RMND5B: variants seen among roughly 807,000 people sequenced by gnomAD.
RMND5B encodes the protein required for meiotic nuclear division 5 homolog B.
A neutral mutation model predicts 50.4 loss-of-function variants in RMND5B; 42 were observed. That is an observed-to-expected ratio of 0.83 (90% CI 0.65 to 1.08). The LOEUF is 1.08. Ranked by LOEUF, RMND5B falls within the 50% of genes least tolerant of loss-of-function variation. The probability of loss-of-function intolerance (pLI) is 0.00; values close to 1 mark genes in which losing one functional copy is unlikely to be tolerated. For missense variants in RMND5B, 463 were observed against 508.5 expected (o/e 0.91, Z 0.86); for synonymous variants, 220 against 210.0 (o/e 1.05, Z -0.41).
rs201677613 is a variant in RMND5B at position 178,142,737 on chromosome 5, G to A, written c.285+9G>A. 69 of 1,614,228 alleles carry A rather than the reference G, an allele frequency of 4.3e-5. No individual in the cohort carries two copies. The South Asian group carries it at 4.8e-4, about 11-fold the overall frequency. On this transcript the variant is annotated intron_variant, in intron 4 of 10. Transcript: ENST00000313386. ...GCAAAGCCATTGACAGGGTGAGCAC[G>A]TGGCCGGCTCCAGGCGTGGGGTGGG...
intron 3 of RMND5B, among the ~76,000 whole-genome samples, chr5:178,140,026 T>C (rs1048284238): frequency 2.6e-5 from 4 of 152,250 alleles, no homozygotes; most frequent in African/African-American, 7.2e-5. Flanking sequence ...TTAAGGCCAA[T>C]TATTTTGCAG....
chr5:178,138,381 G>A lies in RMND5B; in HGVS notation c.139+123G>A. ...AGGATGTTGGTACCTGCATCTGTAG[G>A]CCTCCTTGAAACCGGGTAATGACAG... On this transcript the variant is annotated intron_variant, in intron 3 of 10. Transcript: ENST00000313386. The surrounding 1 kb of genome is among the most constrained non-coding windows in gnomAD (Gnocchi z 5.1). 2 of 1,434,890 alleles carry A rather than the reference G, an allele frequency of 1.4e-6. No homozygotes were observed. The highest frequency in any genetic ancestry group is 1.8e-6 in the Non-Finnish European group (2 of 1,093,736). The allele number at this position is 1,434,890 out of a possible 1,614,324, so 88.9% of individuals were successfully genotyped here.
chr5:178,146,442 TAAACTG>T lies in RMND5B; in HGVS notation c.860+165_860+170del, dbSNP rs2113444868. 3 of 657,342 alleles carry T rather than the reference TAAACTG, an allele frequency of 4.6e-6. No homozygotes were observed. In the South Asian group the frequency reaches 6.1e-5, roughly 13 times the overall value. The allele number at this position is 657,342 out of a possible 1,614,324, so 40.7% of individuals were successfully genotyped here. On this transcript the variant is annotated intron_variant, in intron 8 of 10. Coordinates refer to ENST00000313386, the MANE Select transcript of RMND5B (RefSeq NM_022762.5). ...GAGAGGAATTACCTGTTTTTACAGT[TAAACTG>T]AGACTAGGAAGAGTTATGGCCCGAG...
At chr5:178,141,938 A>T (rs1430034101) in intron 3 of RMND5B, 1 of 152,796 alleles carries the variant, frequency 6.5e-6, no homozygotes, top group African/African-American at 2.4e-5. Flanking sequence ...ACAAGGAATC[A>T]TACCACATGT....
In RMND5B at chr5:178,137,792, C is replaced by G. The variant is rs1758695681; in HGVS notation, c.-12-316C>G. Among the ~76,000 whole-genome samples, 1 of 152,074 alleles carries G rather than the reference C, an allele frequency of 6.6e-6. No individual in the cohort carries two copies. The highest frequency in any genetic ancestry group is 1.5e-5 in the Non-Finnish European group (1 of 68,012). Reference sequence around the variant, plus strand: ...GGCTCTGTGAGGCCTGCTCTCTATTCTGATTTAAAAGGGAGATGAACAAAA... The same window carrying G: ...GGCTCTGTGAGGCCTGCTCTCTATTGTGATTTAAAAGGGAGATGAACAAAA... On this transcript the variant is annotated intron_variant, in intron 2 of 10. Transcript: ENST00000313386. The surrounding 1 kb of genome is among the most constrained non-coding windows in gnomAD (Gnocchi z 4.4).
chr5:178,143,170 T>G (rs1443951154), intron 5 of RMND5B, among the ~76,000 whole-genome samples, 178 bp downstream of exon 5: 1 of 152,220 alleles, frequency 6.6e-6, no homozygotes, highest in Non-Finnish European at 1.5e-5. Flanking sequence ...AAGTTACTCA[T>G]TTTTAGTTAG....
At chr5:178,144,226 T>C (rs963163289) in intron 7 of RMND5B, 118 bp downstream of exon 7, 3 of 1,096,332 alleles carry the variant, frequency 2.7e-6, no homozygotes, top group Non-Finnish European at 2.6e-6. Flanking sequence ...CACAGATGCC[T>C]CTCCCCAACT....
At chr5:178,142,471 C>G in intron 3 of RMND5B, 112 bp from the exon 4 acceptor site, 1 of 1,253,330 alleles carries the variant, frequency 8.0e-7, no homozygotes, top group East Asian at 2.3e-5. Context: ...CCCTGGCATT[C>G]AGGGCTGCCT....
Position 178,143,937 on chromosome 5 carries a change from C to A in RMND5B, c.528-5C>A. The A allele has an allele frequency of 6.2e-7, 1 of 1,614,040 alleles. No individual in the cohort carries two copies. The highest frequency in any genetic ancestry group is 8.5e-7 in the Non-Finnish European group (1 of 1,179,900). Reference sequence around the variant, plus strand: ...TCTACACTAAACTGGCCCCTTTCTTCCCAGATGGGCCGTCTCCCACAGGCA... The same window carrying A: ...TCTACACTAAACTGGCCCCTTTCTTACCAGATGGGCCGTCTCCCACAGGCA... On this transcript the variant is annotated splice_polypyrimidine_tract_variant and splice_region_variant and intron_variant, in intron 6 of 10. Coordinates refer to ENST00000313386, the MANE Select transcript of RMND5B (RefSeq NM_022762.5).
Position 178,150,384 on chromosome 5 carries a change from A to ATTT in RMND5B, c.*2362_*2364dup. The ATTT allele has an allele frequency of 1.3e-5, 3 of 225,434 alleles. No homozygotes were observed. Among genetic ancestry groups the ATTT allele is most frequent in the Non-Finnish European group, 1.8e-5 (2 of 111,962 alleles). The allele number at this position is 225,434 out of a possible 1,614,324, so 14.0% of individuals were successfully genotyped here. A position where few individuals can be genotyped will look rare whatever the true frequency, so the allele number is the denominator to read the frequency against. On this transcript the variant is annotated 3_prime_UTR_variant, in exon 11 of 11. Transcript: ENST00000313386. ...TACCCAAGATCCACCCCCAGCCTCT[A>ATTT]TTTTTTTTTTTTGAGACAGGGCCTC...
At chr5:178,141,635 A>T (rs1758949144) in intron 3 of RMND5B, 1 of 152,160 alleles carries the variant, frequency 6.6e-6, no homozygotes, top group Non-Finnish European at 1.5e-5. Flanking sequence ...TAATATGGTA[A>T]CCCTGTCTAC....
At position 178,149,489 on chromosome 5, in the gene RMND5B, A is replaced by G. The variant is rs2113461406; in HGVS notation, c.*1457A>G. The G allele has an allele frequency of 1.8e-6, 1 of 545,818 alleles. No homozygotes were observed. Among genetic ancestry groups the G allele is most frequent in the Non-Finnish European group, 3.3e-6 (1 of 300,182 alleles). The allele number at this position is 545,818 out of a possible 1,614,324, so 33.8% of individuals were successfully genotyped here. On this transcript the variant is annotated 3_prime_UTR_variant, in exon 11 of 11. Transcript: ENST00000313386. ...TTTAGTCTTAGCATTTACTTTCCCC[A>G]CCCCACATTCTTGGAACAGCCTTTA...
In RMND5B at chr5:178,149,625, C is replaced by G. The variant is rs960404683; in HGVS notation, c.*1593C>G. On this transcript the variant is annotated 3_prime_UTR_variant, in exon 11 of 11. Transcript: ENST00000313386. ...CCTTGGGGAACTGGGAAGATGCCGT[C>G]AGTGTGGGTGGGCAGGAGGACAGCC... The G allele has an allele frequency of 3.4e-5, 54 of 1,568,942 alleles. No individual in the cohort carries two copies. The highest frequency in any genetic ancestry group is 4.6e-5 in the Non-Finnish European group (53 of 1,146,550).
intron 8 of RMND5B, 124 bp downstream of exon 8, chr5:178,146,403 T>C (rs1756011062): frequency 1.0e-5 from 9 of 864,320 alleles, no homozygotes; most frequent in East Asian, 2.7e-5. Flanking sequence ...CTGGCTTTCT[T>C]AGTCATTCTT....
rs970067647 is a variant in RMND5B, at chr5:178,150,190, G to A, written c.*2158G>A. ...CCTCTGAGCCTAAACCCACCTAACC[G>A]GACTAACATGGGTGAAGCATCTTAG... On this transcript the variant is annotated 3_prime_UTR_variant, in exon 11 of 11. Transcript: ENST00000313386. 8.6e-6 allele frequency: 2 copies of A among 233,456 alleles called. No individual in the cohort carries two copies. The highest frequency in any genetic ancestry group is 1.7e-5 in the Non-Finnish European group (2 of 116,870). 14.5% of individuals were successfully genotyped at this position (233,456 alleles called of 1,614,324 possible). A position where few individuals can be genotyped will look rare whatever the true frequency, so the allele number is the denominator to read the frequency against.
Position 178,143,728 on chromosome 5 carries a change from G to A in RMND5B, c.527+1G>A, listed in dbSNP as rs370620879. 1 of 1,610,808 alleles carries A rather than the reference G, an allele frequency of 6.2e-7. No homozygotes were observed. The highest frequency in any genetic ancestry group is 8.5e-7 in the Non-Finnish European group (1 of 1,176,986). On this transcript the variant is annotated splice_donor_variant, in intron 6 of 10. Transcript: ENST00000313386. LOFTEE classifies it high-confidence loss of function. ...AACAAGACCTGGGTCCTGCGTTGGAGTAAGGAGGCCCTTGGGTGGGCCAGC... is the reference window on the plus strand; with the variant it reads ...AACAAGACCTGGGTCCTGCGTTGGAATAAGGAGGCCCTTGGGTGGGCCAGC...
In RMND5B at chr5:178,137,563, C is replaced by T. The variant is rs567977905; in HGVS notation, c.-12-545C>T. ...AATTAGACAGGTGTAGAAGCACACT[C>T]CTGTGGTCCCAGCTAGTCAGGAGGC... On this transcript the variant is annotated intron_variant, in intron 2 of 10. Transcript: ENST00000313386. The surrounding 1 kb of genome is among the most constrained non-coding windows in gnomAD (Gnocchi z 4.4). 2.0e-5 allele frequency among the ~76,000 whole-genome samples: 3 copies of T among 152,152 alleles called. No homozygotes were observed. Among genetic ancestry groups the T allele is most frequent in the African/African-American group, 7.2e-5 (3 of 41,516 alleles).
chr5:178,144,389 C>G (rs149472117), intron 7 of RMND5B, among the ~76,000 whole-genome samples: 68 of 152,112 alleles, frequency 4.5e-4, no homozygotes, highest in African/African-American at 1.6e-3. Context: ...CATGCCATGC[C>G]CGTCCCACCT....
chr5:178,143,634 C>T lies in RMND5B; in HGVS notation c.434C>T (p.Thr145Met), dbSNP rs777261363. 24 of 1,612,716 alleles carry T rather than the reference C, an allele frequency of 1.5e-5. No homozygotes were observed. In the South Asian group the frequency reaches 1.8e-4, roughly 12 times the overall value. The change falls in exon 6 of 11, where the codon ACG becomes ATG. Residue 145 changes from threonine to methionine, a missense_variant. Physicochemically the swap from Thr to Met is moderately conservative, Grantham distance 81. Transcript: ENST00000313386. Reference protein sequence around the residue: ...SVAEELCQESTLNVDLDFKQP... With the variant: ...SVAEELCQESMLNVDLDFKQP... Reference sequence around the variant, plus strand: ...TTCTCTCTCTCCTTGTAGGAATCAACGCTGAATGTGGACTTGGATTTCAAG... The same window carrying T: ...TTCTCTCTCTCCTTGTAGGAATCAATGCTGAATGTGGACTTGGATTTCAAG...
Sources: gnomAD v4.1 joint callset for allele counts (sites outside exome capture counted in the v4.1 genomes callset) on GRCh38, gnomAD v4.1.1 for gene constraint, Gnocchi (gnomAD v3.1) non-coding constraint, MANE v1.5 for transcripts, NCBI Gene and HGNC (gene_info 2026-07-23, HGNC 2026-07-21) for gene names.